DGKZ: variants seen among roughly 807,000 people sequenced by gnomAD.
The protein encoded by DGKZ is diacylglycerol kinase zeta.
DGKZ carries 45 observed loss-of-function variants against 142.5 expected under a neutral mutation model. The ratio of observed to expected loss-of-function variants is 0.32; its 90% CI spans 0.25 to 0.40. DGKZ has a LOEUF of 0.40. DGKZ is among the 10% of genes least tolerant of loss of function. The pLI is 1.00. For synonymous variants in DGKZ, 442 were observed against 527.0 expected (o/e 0.84, Z 2.21); for missense variants, 755 against 1,306.5 (o/e 0.58, Z 6.51).
chr11:46,377,554 C>T (rs374941255), intron 25 of DGKZ: 2 of 354,914 alleles, frequency 5.6e-6, no homozygotes, highest in East Asian at 5.2e-5. Flanking sequence ...ATCCCTGTGG[C>T]CATTCGTGCC....
rs1382404027 is a variant in DGKZ, at chr11:46,372,926, GC to G, written c.1186-33del. 26 of 1,555,040 alleles carry G rather than the reference GC, an allele frequency of 1.7e-5. No homozygotes were observed. The highest frequency in any genetic ancestry group is 2.2e-5 in the Non-Finnish European group (25 of 1,149,098). On this transcript the variant is annotated intron_variant, in intron 13 of 30. Coordinates refer to ENST00000527911, the Ensembl canonical transcript of DGKZ. The surrounding 1 kb of genome is among the most constrained non-coding windows in gnomAD (Gnocchi z 5.9). Reference sequence around the variant, plus strand: ...GGGGGGTGCAGCTGGGGCCTCTCCAGCCACAGAGGGCTCAGTCCCTGCCTGC... The same window carrying G: ...GGGGGGTGCAGCTGGGGCCTCTCCAGCACAGAGGGCTCAGTCCCTGCCTGC...
At position 46,347,512 on chromosome 11, in the gene DGKZ, G is replaced by A. The variant is rs1221212646; in HGVS notation, c.-148G>A. On this transcript the variant is annotated 5_prime_UTR_variant, in exon 1 of 31. Coordinates refer to ENST00000527911, the Ensembl canonical transcript of DGKZ. This position sits in a 1 kb window ranked among gnomAD's most constrained non-coding sequence, Gnocchi z 6.4. The stretch of plus-strand genomic sequence containing the variant: ...AGCGGCTTCCCGGGCACCTGGGCGT[G>A]GGGAGCGGGGGCGCGCGGCGCGGGG... 1 of 982,090 alleles carries A rather than the reference G, an allele frequency of 1.0e-6. No individual in the cohort carries two copies. The highest frequency in any genetic ancestry group is 6.3e-5 in the Admixed American group (1 of 15,800). 60.8% of individuals were successfully genotyped at this position (982,090 alleles called of 1,614,324 possible).
At chr11:46,376,985 C>T in intron 24 of DGKZ, 88 bp from the exon 25 acceptor site, 1 of 1,221,234 alleles carries the variant, frequency 8.2e-7, no homozygotes, top group Non-Finnish European at 1.2e-6. Flanking sequence ...GTGCTCATGG[C>T]AGAGGCTTCT....
upstream of DGKZ, among the ~76,000 whole-genome samples, chr11:46,346,228 C>T (rs931312237): frequency 9.2e-5 from 14 of 152,176 alleles, no homozygotes; most frequent in Admixed American, 5.2e-4. Flanking sequence ...GGCTGGAAAA[C>T]GGGCTGCCAG....
chr11:46,372,959 A>G lies in DGKZ; in HGVS notation c.1186-2A>G, dbSNP rs1242776411. ...GGGCTCAGTCCCTGCCTGCTCCCCC[A>G]GGGCTACACAGATGAGCCTGTGTCC... On this transcript the variant is annotated splice_acceptor_variant, in intron 13 of 30. Transcript: ENST00000527911. LOFTEE classifies it high-confidence loss of function. The surrounding 1 kb of genome is among the most constrained non-coding windows in gnomAD (Gnocchi z 5.9). The G allele has an allele frequency of 6.5e-7, 1 of 1,545,458 alleles. No homozygotes were observed. The highest frequency in any genetic ancestry group is 2.0e-5 in the Admixed American group (1 of 50,730).
At position 46,367,644 on chromosome 11, in the gene DGKZ, G is replaced by T. The variant is rs761260710; in HGVS notation, c.271-8G>T. ...AGCGTGTGCTGAGCAAGCCCATCCC[G>T]TGGCTAGGAGTCAGCGACATATGGG... On this transcript the variant is annotated splice_region_variant and splice_polypyrimidine_tract_variant and intron_variant, in intron 2 of 30. Transcript: ENST00000527911. This position sits in a 1 kb window ranked among gnomAD's most constrained non-coding sequence, Gnocchi z 4.1. 25 of 1,592,788 alleles carry T rather than the reference G, an allele frequency of 1.6e-5. 1 individual carries two copies. In the Middle Eastern group the frequency reaches 6.8e-4, roughly 43 times the overall value.
Position 46,339,510 on chromosome 11 carries a change from C to G in DGKZ, c.212+6023C>G, listed in dbSNP as rs192251358. On this transcript the variant is annotated intron_variant, in intron 1 of 30. Coordinates refer to the DGKZ transcript ENST00000343674. ...TTCTTGCTGATCAGTGAGTCAAAGG[C>G]CAGAGAGGGCAGTGCCACACTGTCC... Among the ~76,000 whole-genome samples the G allele has an allele frequency of 4.6e-3, 708 of 152,304 alleles. 3 individuals carry two copies. Among genetic ancestry groups the G allele is most frequent in the African/African-American group, 0.015 (603 of 41,570 alleles).
chr11:46,366,578 C>T (rs755231441), intron 1 of DGKZ: 2 of 1,607,054 alleles, frequency 1.2e-6, no homozygotes, highest in South Asian at 2.2e-5. Flanking sequence ...GGGTGCACCC[C>T]TGCTGTTGAC....
chr11:46,366,813 G>T, intron 1 of DGKZ: 4 of 1,545,830 alleles, frequency 2.6e-6, no homozygotes, highest in Admixed American at 1.9e-5. Flanking sequence ...TACTATCGGC[G>T]CCTCAGCCAG....
intron 14 of DGKZ, among the ~76,000 whole-genome samples, chr11:46,373,568 G>GCT (rs1196587608): frequency 6.6e-6 from 1 of 151,256 alleles, no homozygotes; most frequent in Non-Finnish European, 1.5e-5. Flanking sequence ...CACAGTCTTG[G>GCT]CTCACTGCAA....
intron 1 of DGKZ, chr11:46,366,673 G>T: frequency 6.3e-7 from 1 of 1,587,348 alleles, no homozygotes; most frequent in Non-Finnish European, 8.6e-7. Context: ...CAGGCACCAA[G>T]ACACCAGGGC....
chr11:46,371,534 G>A lies in DGKZ; in HGVS notation c.690G>A (p.Pro230=), dbSNP rs116492403. ...TCATGCTGCAGCAGATCGAGGAGCC[G>A]TGCTCGCTGGGGGTCCACGCAGCCG... Residue 230 remains proline, a synonymous_variant, in exon 8 of 31, where the codon CCG becomes CCA. Transcript: ENST00000527911. 7.4e-5 allele frequency: 119 copies of A among 1,610,212 alleles called. No individual in the cohort carries two copies. The highest frequency in any genetic ancestry group is 6.4e-4 in the African/African-American group (48 of 74,988).
chr11:46,340,612 C>T (rs1940233594), intron 1 of DGKZ, among the ~76,000 whole-genome samples: 1 of 152,222 alleles, frequency 6.6e-6, no homozygotes. Flanking sequence ...TCCAGGTTTC[C>T]TCCTGCTCAT....
chr11:46,359,139 C>CA (rs544085051), intron 1 of DGKZ, among the ~76,000 whole-genome samples: 2,164 of 137,870 alleles, frequency 0.016, 20 homozygotes, highest in Non-Finnish European at 0.021. Flanking sequence ...GACTGTATCT[C>CA]AAAAAAAAAA....
rs1943476827 is a variant in DGKZ at position 46,367,751 on chromosome 11, A to G, written c.366+4A>G. 1 of 1,613,008 alleles carries G rather than the reference A, an allele frequency of 6.2e-7. No individual in the cohort carries two copies. The highest frequency in any genetic ancestry group is 8.5e-7 in the Non-Finnish European group (1 of 1,179,890). Reference sequence around the variant, plus strand: ...GTACTGTGTAGCCAGGATGCTGGTGAGTGCTCGTAGGGGCACGCCGCCCCC... The same window carrying G: ...GTACTGTGTAGCCAGGATGCTGGTGGGTGCTCGTAGGGGCACGCCGCCCCC... On this transcript the variant is annotated splice_donor_region_variant and intron_variant, in intron 3 of 30. Coordinates refer to ENST00000527911, the Ensembl canonical transcript of DGKZ. The surrounding 1 kb of genome is among the most constrained non-coding windows in gnomAD (Gnocchi z 4.1).
At position 46,378,453 on chromosome 11, in the gene DGKZ, G is replaced by A; in HGVS notation, c.2375-4G>A. 2.4e-5 allele frequency: 39 copies of A among 1,597,864 alleles called. No homozygotes were observed. Among genetic ancestry groups the A allele is most frequent in the Non-Finnish European group, 3.2e-5 (38 of 1,170,204 alleles). ...GCAGAGTAACAGGCAGGTATTCCGT[G>A]CAGGTGAAGAGCTGATTGAGGCTGC... On this transcript the variant is annotated splice_region_variant and splice_polypyrimidine_tract_variant and intron_variant, in intron 26 of 30. Coordinates refer to ENST00000527911, the Ensembl canonical transcript of DGKZ.
intron 4 of DGKZ, chr11:46,368,659 A>T (rs1943596102): frequency 5.0e-6 from 1 of 199,060 alleles, no homozygotes; most frequent in Admixed American, 5.3e-5. Flanking sequence ...GCAGGCTCAC[A>T]CAGGCTGCTT....
intron 1 of DGKZ, chr11:46,364,758 A>G: frequency 1.0e-6 from 1 of 985,428 alleles, no homozygotes; most frequent in Non-Finnish European, 1.2e-6. Flanking sequence ...CTTTGCCTTC[A>G]TCCTTCCTCC....
chr11:46,379,545 T>C, exon 30 of DGKZ: 1 of 1,610,740 alleles, frequency 6.2e-7, no homozygotes, highest in Non-Finnish European at 8.5e-7. Flanking sequence ...GGCCGGGGCC[T>C]CGCTCATGAA....
Sources: allele counts gnomAD v4.1 joint callset (sites outside exome capture counted in the v4.1 genomes callset), GRCh38; gene constraint gnomAD v4.1.1; non-coding constraint Gnocchi (gnomAD v3.1); transcripts MANE v1.5; gene names NCBI Gene and HGNC (gene_info 2026-07-23, HGNC 2026-07-21).